The following IKZF1 variants were observed in gnomAD, a reference collection of about 807,000 sequenced individuals.
IKZF1 encodes IKAROS family zinc finger 1, also known as DNA-binding protein Ikaros.
Under a neutral mutation model 51.7 loss-of-function variants are expected in IKZF1, and 10 were observed. The ratio of observed to expected loss-of-function variants is 0.19; its 90% CI spans 0.12 to 0.33. The LOEUF (loss-of-function observed/expected upper bound fraction) is 0.33, where lower values mean the gene tolerates loss of function less well. IKZF1 is among the 10% of genes least tolerant of loss of function. The pLI is 1.00. For synonymous variants in IKZF1, 280 were observed against 282.3 expected (o/e 0.99, Z 0.08); for missense variants, 484 against 707.5 (o/e 0.68, Z 3.58).
At chr7:50,361,749 G>A (rs917957285) in intron 3 of IKZF1, among the ~76,000 whole-genome samples, 48 of 152,050 alleles carry the variant, frequency 3.2e-4, no homozygotes, top group Admixed American at 2.0e-3. Flanking sequence ...GGTGGTGCGC[G>A]CCTGTAGTCC....
chr7:50,303,901 G>C (rs1024452137), upstream of IKZF1, among the ~76,000 whole-genome samples: 9 of 145,430 alleles, frequency 6.2e-5, no homozygotes, highest in African/African-American at 2.0e-4. This position sits in a 1 kb window ranked among gnomAD's most constrained non-coding sequence, Gnocchi z 4.7. Context: ...TTACGCGCGG[G>C]TCCCGCAGCG....
intron 2 of IKZF1, among the ~76,000 whole-genome samples, chr7:50,326,032 T>A (rs1279637087): frequency 1.3e-5 from 2 of 152,244 alleles, no homozygotes; most frequent in Non-Finnish European, 2.9e-5. Context: ...AATTGTGATG[T>A]CTGTTTTCCA....
intron 7 of IKZF1, among the ~76,000 whole-genome samples, chr7:50,396,885 A>G (rs1455184260): frequency 6.6e-6 from 1 of 152,234 alleles, no homozygotes; most frequent in Non-Finnish European, 1.5e-5. Context: ...TCATCCCCAC[A>G]GGAGATTCTC....
Position 50,371,026 on chromosome 7 carries a change from G to A in IKZF1, c.161-5507G>A, listed in dbSNP as rs540679410. Among the ~76,000 whole-genome samples, 12 of 152,322 alleles carry A rather than the reference G, an allele frequency of 7.9e-5. No homozygotes were observed. In the South Asian group the frequency reaches 1.4e-3, roughly 18 times the overall value. ...CCCTGGCAAATGTTCCATAGAGACAGCATCCATGGGGTTGAACCAAGCACA... is the reference window on the plus strand; with the variant it reads ...CCCTGGCAAATGTTCCATAGAGACAACATCCATGGGGTTGAACCAAGCACA... On this transcript the variant is annotated intron_variant, in intron 3 of 7. Transcript: ENST00000331340.
intron 3 of IKZF1, among the ~76,000 whole-genome samples, chr7:50,355,044 G>A (rs964990093): frequency 7.9e-5 from 12 of 152,152 alleles, no homozygotes; most frequent in Admixed American, 7.2e-4. Flanking sequence ...GTGAGGAGGG[G>A]GACAGGCCTG....
intron 1 of IKZF1, among the ~76,000 whole-genome samples, chr7:50,311,861 ATC>A (rs1471427672): frequency 6.6e-6 from 1 of 152,150 alleles, no homozygotes; most frequent in Non-Finnish European, 1.5e-5. Context: ...GTTTGTGTTT[ATC>A]TCTCTTTTTA....
At position 50,404,583 on chromosome 7, in the gene IKZF1, C is replaced by T; in HGVS notation, c.*3956C>T. 4.4e-6 allele frequency: 1 copy of T among 229,264 alleles called. No individual in the cohort carries two copies. The allele number at this position is 229,264 out of a possible 1,614,324, so 14.2% of individuals were successfully genotyped here. On this transcript the variant is annotated 3_prime_UTR_variant, in exon 8 of 8. Transcript: ENST00000331340. Reference sequence around the variant, plus strand: ...ACAGCTGCAATACCACTTGGGAACACATGTGGTGTCTTGATGTGGCCAGCG... The same window carrying T: ...ACAGCTGCAATACCACTTGGGAACATATGTGGTGTCTTGATGTGGCCAGCG...
intron 7 of IKZF1, among the ~76,000 whole-genome samples, chr7:50,392,251 T>G (rs1463757470): frequency 6.6e-6 from 1 of 152,164 alleles, no homozygotes; most frequent in Non-Finnish European, 1.5e-5. Context: ...ATTTTTCATA[T>G]GAAGCTCCTA....
chr7:50,363,989 G>C (rs1238171627), intron 3 of IKZF1, among the ~76,000 whole-genome samples: 6 of 152,332 alleles, frequency 3.9e-5, no homozygotes, highest in Non-Finnish European at 7.4e-5. Flanking sequence ...TGATCTCACT[G>C]TGGCTAACAG....
chr7:50,349,439 A>G (rs1485823762), intron 3 of IKZF1, among the ~76,000 whole-genome samples: 1 of 152,250 alleles, frequency 6.6e-6, no homozygotes, highest in Non-Finnish European at 1.5e-5. Context: ...GACGTGTATT[A>G]TGTACCTATA....
chr7:50,319,985 G>T (rs371066644), intron 2 of IKZF1, among the ~76,000 whole-genome samples: 1 of 152,170 alleles, frequency 6.6e-6, no homozygotes, highest in East Asian at 1.9e-4. Context: ...TGGGGAAGGT[G>T]CAGGAGAGGA....
chr7:50,337,268 G>A (rs974240531), intron 3 of IKZF1, among the ~76,000 whole-genome samples: 2 of 152,142 alleles, frequency 1.3e-5, no homozygotes, highest in Admixed American at 6.5e-5. Context: ...ATGTTTAAAT[G>A]TGATTGAAGT....
chr7:50,382,645 A>G lies in IKZF1; in HGVS notation c.527A>G (p.His176Arg). Residue 176 changes from histidine to arginine, a missense_variant, in exon 5 of 8, where the codon CAC (histidine) becomes CGC (arginine). Physicochemically the swap from His to Arg is conservative, Grantham distance 29 (BLOSUM62 0). Around this residue, in one of 6 missense-constraint regions of IKZF1, gnomAD observed 53 missense variants for 167.7 expected, o/e 0.32. Transcript: ENST00000331340. ...TCCGGGGAGAAGCCCTTCAAATGCCACCTCTGCAACTACGCCTGCCGCCGG... is the reference window on the plus strand; with the variant it reads ...TCCGGGGAGAAGCCCTTCAAATGCCGCCTCTGCAACTACGCCTGCCGCCGG... Reference protein sequence around the residue: ...LHSGEKPFKCHLCNYACRRRD... With the variant: ...LHSGEKPFKCRLCNYACRRRD... 6.2e-7 allele frequency: 1 copy of G among 1,612,726 alleles called. No individual in the cohort carries two copies. The highest frequency in any genetic ancestry group is 8.5e-7 in the Non-Finnish European group (1 of 1,179,764).
intron 3 of IKZF1, among the ~76,000 whole-genome samples, chr7:50,337,530 C>A (rs1178952244): frequency 3.3e-5 from 5 of 152,184 alleles, no homozygotes; most frequent in Non-Finnish European, 7.3e-5. Flanking sequence ...GCAACGTCAC[C>A]ACTCGTAGAT....
At position 50,402,112 on chromosome 7, in the gene IKZF1, A is replaced by G. The variant is rs1818233558; in HGVS notation, c.*1485A>G. The G allele has an allele frequency of 8.7e-6, 2 of 230,768 alleles. No individual in the cohort carries two copies. Among genetic ancestry groups the G allele is most frequent in the African/African-American group, 4.4e-5 (2 of 45,196 alleles). 14.3% of individuals were successfully genotyped at this position (230,768 alleles called of 1,614,324 possible). On this transcript the variant is annotated 3_prime_UTR_variant, in exon 8 of 8. Transcript: ENST00000331340. ...CCCGAGGAAGGTGTGTGGAGATTCT[A>G]ATCCCAACAAGCAAGGGTCTCCTTC...
chr7:50,347,259 A>G (rs958503462), intron 3 of IKZF1, among the ~76,000 whole-genome samples: 21 of 152,144 alleles, frequency 1.4e-4, no homozygotes, highest in Non-Finnish European at 2.5e-4. Flanking sequence ...GAAACAGCCT[A>G]CTAATCTGTT....
intron 3 of IKZF1, among the ~76,000 whole-genome samples, chr7:50,358,818 A>C (rs1584754857): frequency 6.6e-6 from 1 of 151,654 alleles, no homozygotes; most frequent in East Asian, 1.9e-4. Context: ...AGCCTTAAAG[A>C]GTTTCTTAAG....
chr7:50,385,226 A>G (rs1173442765), intron 5 of IKZF1, among the ~76,000 whole-genome samples: 6 of 152,122 alleles, frequency 3.9e-5, no homozygotes, highest in Non-Finnish European at 1.5e-5. Flanking sequence ...GCTCTTGGGG[A>G]AAAAAACAGT....
intron 4 of IKZF1, among the ~76,000 whole-genome samples, chr7:50,379,223 AT>A (rs575926779): frequency 4.6e-5 from 7 of 152,234 alleles, no homozygotes; most frequent in Non-Finnish European, 8.8e-5. Context: ...GAACAGGGCC[AT>A]TCAGAGGGCT....
Sources: gnomAD v4.1 joint callset for allele counts (sites outside exome capture counted in the v4.1 genomes callset) on GRCh38, gnomAD v4.1.1 for gene constraint, gnomAD v4.1.1 regional missense constraint, Gnocchi (gnomAD v3.1) non-coding constraint, MANE v1.5 for transcripts, NCBI Gene and HGNC (gene_info 2026-07-23, HGNC 2026-07-21) for gene names.